The following MYH6 variants were observed in gnomAD, a reference collection of about 807,000 sequenced individuals.
MYH6 encodes myosin heavy chain 6, also known as myosin-6.
Under a neutral mutation model 223.2 loss-of-function variants are expected in MYH6, and 126 were observed. The observed-to-expected ratio is 0.56, with a 90% CI of 0.49 to 0.65. The LOEUF (loss-of-function observed/expected upper bound fraction) is 0.65. Ranked by LOEUF, MYH6 falls within the 30% of genes least tolerant of loss-of-function variation. The pLI is 0.00. For synonymous variants in MYH6, 978 were observed against 1,010.2 expected, an observed-to-expected ratio of 0.97 and a Z score of 0.61; for missense variants, 2,040 against 2,536.4, an observed-to-expected ratio of 0.80 and a Z score of 4.20.
rs267603951 is a variant in MYH6 at position 23,393,731 on chromosome 14, C to T, written c.2863G>A (p.Asp955Asn). Reference sequence around the variant, plus strand: ...AGTGTCAGCTCCAGGTCATCAATGTCCTTCTTGAGCTCTGAGCACTCGTCT... The same window carrying T: ...AGTGTCAGCTCCAGGTCATCAATGTTCTTCTTGAGCTCTGAGCACTCGTCT... ...LEDECSELKKDIDDLELTLAK... is the reference protein window; with the variant it reads ...LEDECSELKKNIDDLELTLAK... The change falls in exon 22 of 39, where the codon GAC becomes AAC. Residue 955 changes from aspartate (D) to asparagine (N), a missense_variant. Asp to Asn is a conservative substitution (Grantham distance 23). Around this residue, in one of 4 missense-constraint regions of MYH6, gnomAD observed 1,203 missense variants for 1,400.2 expected, o/e 0.86. Coordinates refer to ENST00000405093, the MANE Select transcript of MYH6 (RefSeq NM_002471.4). 1.2e-6 allele frequency: 2 copies of T among 1,614,186 alleles called. No homozygotes were observed. Among genetic ancestry groups the T allele is most frequent in the Non-Finnish European group, 1.7e-6 (2 of 1,180,032 alleles).
chr14:23,403,642 G>A (rs983857628), intron 9 of MYH6, 73 bp downstream of exon 9: 1 of 1,423,318 alleles, frequency 7.0e-7, no homozygotes, highest in Non-Finnish European at 9.8e-7. Flanking sequence ...CAGGAATGAT[G>A]AGACTGGCCG....
rs1566512538 is a variant in MYH6, at chr14:23,397,961, C to CTTCTTT, written c.1892-349_1892-348insAAAGAA. Reference sequence around the variant, plus strand: ...TCTTCTTCTTCTTCTTCTTCTTCTTCTTCTTCTTCTTCTTCTTCTTCTTCT... The same window carrying CTTCTTT: ...TCTTCTTCTTCTTCTTCTTCTTCTTCTTCTTTTTCTTCTTCTTCTTCTTCTTCTTCT... On this transcript the variant is annotated intron_variant, in intron 15 of 38. Transcript: ENST00000405093. Among the ~76,000 whole-genome samples, 153 of 120,982 alleles carry CTTCTTT rather than the reference C, an allele frequency of 1.3e-3. 2 individuals carry two copies. Among genetic ancestry groups the CTTCTTT allele is most frequent in the African/African-American group, 2.9e-3 (88 of 30,096 alleles). The allele number at this position is 120,982 out of a possible 152,430, so 79.4% of individuals were successfully genotyped here.
chr14:23,407,254 G>A lies in MYH6; in HGVS notation c.-13-18C>T. 1 of 1,613,742 alleles carries A rather than the reference G, an allele frequency of 6.2e-7. No individual in the cohort carries two copies. The highest frequency in any genetic ancestry group is 8.5e-7 in the Non-Finnish European group (1 of 1,179,882). ...TGCTTCCCCTGGGTCAGAGACAGGA[G>A]GGCTATGTTACTCCTGAGGGAGCCC... is the stretch of plus-strand genomic sequence containing the variant. On this transcript the variant is annotated intron_variant, in intron 2 of 38. Coordinates refer to ENST00000405093, the MANE Select transcript of MYH6 (RefSeq NM_002471.4). This position sits in a 1 kb window ranked among gnomAD's most constrained non-coding sequence, Gnocchi z 5.6.
At chr14:23,384,741 A>G (rs780622705) in intron 35 of MYH6, 24 bp from the exon 36 acceptor site, 1 of 1,614,196 alleles carries the variant, frequency 6.2e-7, no homozygotes, top group Non-Finnish European at 8.5e-7. Context: ...AGAGGTGGCA[A>G]GGAACATGGG....
Position 23,386,553 on chromosome 14 carries a change from A to T in MYH6, c.4721T>A (p.Ile1574Asn), listed in dbSNP as rs199627411. Residue 1574 changes from isoleucine (I) to asparagine (N), a missense_variant, in exon 33 of 39, where the codon ATC becomes AAC. Around this residue, in one of 4 missense-constraint regions of MYH6, gnomAD observed 1,203 missense variants for 1,400.2 expected, o/e 0.86. Transcript: ENST00000405093. The stretch of plus-strand genomic sequence containing the variant: ...GTCCTTCTCTGCCAGCTTCCGCTCG[A>T]TCTCTGCCTTGATCTGGTTGAACTC... ...QLEFNQIKAEIERKLAEKDEE... is the reference protein window; with the variant it reads ...QLEFNQIKAENERKLAEKDEE... 1.1e-5 allele frequency: 18 copies of T among 1,613,338 alleles called. No homozygotes were observed. The East Asian group carries it at 3.8e-4, about 34-fold the overall frequency.
chr14:23,396,454 C>T (rs1397207986), intron 19 of MYH6, 34 bp from the exon 20 acceptor site: 1 of 1,611,456 alleles, frequency 6.2e-7, no homozygotes, highest in Non-Finnish European at 8.5e-7. Flanking sequence ...CAGGCCGCAG[C>T]CTCAGAGGGG....
intron 36 of MYH6, among the ~76,000 whole-genome samples, 153 bp from the exon 37 acceptor site, chr14:23,383,473 C>CT (rs1413740054): frequency 4.6e-5 from 7 of 152,156 alleles, no homozygotes; most frequent in African/African-American, 1.7e-4. Flanking sequence ...TTCTCTGACT[C>CT]TATCGTAGGT....
At position 23,400,493 on chromosome 14, in the gene MYH6, G is replaced by A. The variant is rs146954226; in HGVS notation, c.1411-67C>T. On this transcript the variant is annotated intron_variant, in intron 13 of 38. Coordinates refer to ENST00000405093, the MANE Select transcript of MYH6 (RefSeq NM_002471.4). ...GTGAGTGGCCATTGGGGCTGTGCCC[G>A]TGCACTGTGCCGAGCCCAGCAGGGT... 1.4e-3 allele frequency: 2,286 copies of A among 1,611,910 alleles called. 31 individuals carry two copies. In the African/African-American group the frequency reaches 0.024, roughly 17 times the overall value.
In MYH6 at chr14:23,382,163, T is replaced by C. The variant is rs879024906; in HGVS notation, c.5797-100A>G. On this transcript the variant is annotated intron_variant, in intron 38 of 38. Coordinates refer to ENST00000405093, the MANE Select transcript of MYH6 (RefSeq NM_002471.4). ...TTCAGAGGCCTAAGGGAGATGCCCT[T>C]GGAGGGAGAGGCAGGGCCCCAGGGA... The C allele has an allele frequency of 3.5e-5, 44 of 1,265,428 alleles. No individual in the cohort carries two copies. In the South Asian group the frequency reaches 4.9e-4, roughly 14 times the overall value. 78.4% of individuals were successfully genotyped at this position (1,265,428 alleles called of 1,614,324 possible).
Position 23,400,382 on chromosome 14 carries a change from C to A in MYH6, c.1455G>T (p.Lys485Asn). The change falls in exon 14 of 39, where the codon AAG becomes AAT. Residue 485 changes from lysine to asparagine, a missense_variant. By Grantham distance (94) the Lys-to-Asn change is moderately conservative. This residue lies in a region of MYH6 where 649 missense variants were observed against 877.3 expected (regional missense o/e 0.74). Transcript: ENST00000405093. ...TGTGGTGGTTGAAGAACTGCTGCAG[C>A]TTCTCGTTGGTGAAGTTGATGCAGA... Reference protein sequence around the residue: ...EQLCINFTNEKLQQFFNHHMF... With the variant: ...EQLCINFTNENLQQFFNHHMF... 6.2e-7 allele frequency: 1 copy of A among 1,614,206 alleles called. No homozygotes were observed. The highest frequency in any genetic ancestry group is 8.5e-7 in the Non-Finnish European group (1 of 1,180,038).
chr14:23,394,357 T>C (rs979818343), intron 20 of MYH6, 34 bp from the exon 21 acceptor site: 1 of 1,613,298 alleles, frequency 6.2e-7, no homozygotes. Flanking sequence ...GGTGGGGCAC[T>C]ATAAAAGAGA....
At chr14:23,403,813 G>A (rs1368692663) in intron 8 of MYH6, 35 bp from the exon 9 acceptor site, 16 of 1,562,022 alleles carry the variant, frequency 1.0e-5, no homozygotes, top group South Asian at 2.3e-5. Context: ...GGGAACTGGC[G>A]GGAAGGACAG....
intron 32 of MYH6, among the ~76,000 whole-genome samples, chr14:23,387,247 C>T (rs887789926): frequency 6.6e-6 from 1 of 152,202 alleles, no homozygotes; most frequent in Non-Finnish European, 1.5e-5. Flanking sequence ...TGGAACCCCA[C>T]ACTCCTACCC....
intron 16 of MYH6, 99 bp downstream of exon 16, chr14:23,397,444 T>C: frequency 6.9e-7 from 1 of 1,449,454 alleles, no homozygotes; most frequent in African/African-American, 1.4e-5. Context: ...CCTAGCTTCT[T>C]TCCTCATCAA....
At chr14:23,388,441 C>G (rs955017382) in intron 29 of MYH6, 103 bp from the exon 30 acceptor site, 122 of 1,543,820 alleles carry the variant, frequency 7.9e-5, no homozygotes, top group Non-Finnish European at 1.0e-4. Flanking sequence ...CTTGAGACAC[C>G]GTAAGTCCAG....
chr14:23,405,512 G>GA lies in MYH6; in HGVS notation c.345+114dup, dbSNP rs1311941283. ...TGCAGCTGACTAGGGGTGGAGGGGG[G>GA]AAGGGGACTTGGGTCCCTTGGGAGT... On this transcript the variant is annotated intron_variant, in intron 4 of 38. Transcript: ENST00000405093. This position sits in a 1 kb window ranked among gnomAD's most constrained non-coding sequence, Gnocchi z 4.7. 6.3e-7 allele frequency: 1 copy of GA among 1,593,882 alleles called. No individual in the cohort carries two copies.
At chr14:23,397,335 T>C in intron 16 of MYH6, 78 bp from the exon 17 acceptor site, 4 of 1,421,788 alleles carry the variant, frequency 2.8e-6, no homozygotes, top group Non-Finnish European at 4.0e-6. Flanking sequence ...CCCCAGACAC[T>C]CTCCACCAGA....
rs201026560 is a variant in MYH6 at position 23,386,490 on chromosome 14, A to G, written c.4784T>C (p.Val1595Ala). Residue 1595 changes from valine to alanine, a missense_variant, in exon 33 of 39, where the codon GTG (valine) becomes GCG (alanine). Val to Ala is a moderately conservative substitution (Grantham distance 64). Transcript: ENST00000405093. ...MEQAKRNHQR[V>A]VDSLQTSLDA... is the part of the protein sequence containing the mutation. Reference sequence around the variant, plus strand: ...CAGGGAGGTCTGCAGCGAGTCCACCACCCGCTGGTGGTTGCGCTTGGCCTG... The same window carrying G: ...CAGGGAGGTCTGCAGCGAGTCCACCGCCCGCTGGTGGTTGCGCTTGGCCTG... 1 of 1,613,640 alleles carries G rather than the reference A, an allele frequency of 6.2e-7. No homozygotes were observed. Among genetic ancestry groups the G allele is most frequent in the East Asian group, 2.2e-5 (1 of 44,832 alleles).
rs199916773 is a variant in MYH6, at chr14:23,404,340, A to G, written c.691T>C (p.Phe231Leu). ...IIQANPALEA[F>L]GNAKTVRNDN... ...TTCCGGACAGTCTTGGCATTGCCGA[A>G]GGCCTCCAGAGCGGGGTTGGCCTGG... Residue 231 changes from phenylalanine (F) to leucine (L), a missense_variant, in exon 8 of 39, where the codon TTC becomes CTC. Phe to Leu is a conservative substitution (Grantham distance 22). Around this residue, in one of 4 missense-constraint regions of MYH6, gnomAD observed 649 missense variants for 877.3 expected, o/e 0.74. Transcript: ENST00000405093. The G allele has an allele frequency of 8.1e-6, 13 of 1,614,254 alleles. No homozygotes were observed. In the East Asian group the frequency reaches 2.9e-4, roughly 36 times the overall value.
Sources: gnomAD v4.1 joint callset for allele counts (sites outside exome capture counted in the v4.1 genomes callset) on GRCh38, gnomAD v4.1.1 for gene constraint, gnomAD v4.1.1 regional missense constraint, Gnocchi (gnomAD v3.1) non-coding constraint, MANE v1.5 for transcripts, NCBI Gene and HGNC (gene_info 2026-07-23, HGNC 2026-07-21) for gene names.